Variants in SMARCB1 observed in about 807,000 individuals in gnomAD.
SMARCB1 encodes SWI/SNF-related matrix-associated actin-dependent regulator of chromatin subfamily B member 1.
A neutral mutation model predicts 49.0 loss-of-function variants in SMARCB1; 5 were observed. That is an observed-to-expected ratio of 0.10 (90% confidence interval 0.05 to 0.21). SMARCB1 has a LOEUF of 0.21. Among genes scored for constraint, SMARCB1 ranks in the 10% least tolerant of loss-of-function variants. SMARCB1 has a pLI of 1.00. For missense variants in SMARCB1, 226 were observed against 509.2 expected, an observed-to-expected ratio of 0.44 and a Z score of 5.35; for synonymous variants, 201 against 200.1, an observed-to-expected ratio of 1.00 and a Z score of -0.04.
intron 2 of SMARCB1, chr22:23,793,206 T>TC (rs1928511502): frequency 2.7e-6 from 1 of 371,176 alleles, no homozygotes; most frequent in African/African-American, 2.1e-5. Context: ...AGCTTTCTTT[T>TC]CCCCTGAGTG....
chr22:23,795,759 A>G (rs1177548810), intron 3 of SMARCB1, among the ~76,000 whole-genome samples: 1 of 151,236 alleles, frequency 6.6e-6, no homozygotes, highest in Non-Finnish European at 1.5e-5. Flanking sequence ...GGAAGGTGTG[A>G]TAGAACTGCA....
At chr22:23,807,595 T>TAA (rs3062485) in intron 5 of SMARCB1, among the ~76,000 whole-genome samples, 13,136 of 147,904 alleles carry the variant, frequency 0.089, 734 homozygotes, top group East Asian at 0.17. Flanking sequence ...TTTTTAAAGT[T>TAA]AAAAAAAAAA....
At chr22:23,787,435 C>G (rs956697305) in intron 1 of SMARCB1, among the ~76,000 whole-genome samples, 173 bp downstream of exon 1, 8 of 152,034 alleles carry the variant, frequency 5.3e-5, no homozygotes, top group African/African-American at 1.7e-4. Context: ...CCCCCGCCCC[C>G]TCATCGACCT....
At position 23,837,322 on chromosome 22, in the gene SMARCB1, A is replaced by G; in HGVS notation, c.*3142A>G. 1.1e-6 allele frequency: 1 copy of G among 874,988 alleles called. No individual in the cohort carries two copies. Among genetic ancestry groups the G allele is most frequent in the Non-Finnish European group, 1.8e-6 (1 of 565,292 alleles). The allele number at this position is 874,988 out of a possible 1,614,324, so 54.2% of individuals were successfully genotyped here. A position where few individuals can be genotyped will look rare whatever the true frequency, so the allele number is the denominator to read the frequency against. ...CAGCCCCGGGTTGGCCGTGAAGGAC[A>G]AGCTTAAAAGGCCCAGAAGCAGGCA... On this transcript the variant is annotated 3_prime_UTR_variant, in exon 9 of 9. Coordinates refer to ENST00000644036, the MANE Select transcript of SMARCB1 (RefSeq NM_003073.5).
In SMARCB1 at chr22:23,797,816, A is replaced by G. The variant is rs372209934; in HGVS notation, c.363-3128A>G. On this transcript the variant is annotated intron_variant, in intron 3 of 8. Coordinates refer to ENST00000644036, the MANE Select transcript of SMARCB1 (RefSeq NM_003073.5). ...GTAGTTTTAGTAGAGACGGGGTTTCACCATGTTGGCCAGGCTGGTCTCGAA... is the reference window on the plus strand; with the variant it reads ...GTAGTTTTAGTAGAGACGGGGTTTCGCCATGTTGGCCAGGCTGGTCTCGAA... Among the ~76,000 whole-genome samples, 16 of 148,316 alleles carry G rather than the reference A, an allele frequency of 1.1e-4. No homozygotes were observed. The East Asian group carries it at 3.2e-3, about 30-fold the overall frequency.
chr22:23,800,707 C>T (rs1929084182), intron 3 of SMARCB1, among the ~76,000 whole-genome samples: 1 of 152,204 alleles, frequency 6.6e-6, no homozygotes, highest in African/African-American at 2.4e-5. Flanking sequence ...TAGTGCAGTA[C>T]ACCATGGCCG....
At chr22:23,825,650 C>T (rs1213993335) in intron 7 of SMARCB1, 3 of 566,020 alleles carry the variant, frequency 5.3e-6, no homozygotes, top group Non-Finnish European at 9.5e-6. Flanking sequence ...ACTTGGAGTT[C>T]TGTCAGGGTG....
At chr22:23,819,677 A>G (rs1206989879) in intron 6 of SMARCB1, among the ~76,000 whole-genome samples, 2 of 151,192 alleles carry the variant, frequency 1.3e-5, no homozygotes, top group Non-Finnish European at 2.9e-5. Context: ...ATACCTAGAA[A>G]TGGAATTCCT....
intron 6 of SMARCB1, chr22:23,817,270 A>G: frequency 2.3e-6 from 1 of 438,410 alleles, no homozygotes; most frequent in Non-Finnish European, 4.2e-6. Context: ...ACCCAATAAG[A>G]TGCTGCCTTA....
chr22:23,801,560 T>A (rs748531404), intron 4 of SMARCB1: 71 of 367,572 alleles, frequency 1.9e-4, no homozygotes, highest in Non-Finnish European at 2.8e-4. Flanking sequence ...GACTCATGTG[T>A]GGACAGGGCC....
At chr22:23,830,846 A>C (rs1471303006) in intron 7 of SMARCB1, among the ~76,000 whole-genome samples, 1 of 151,680 alleles carries the variant, frequency 6.6e-6, no homozygotes, top group East Asian at 1.9e-4. Flanking sequence ...TTTTTAGTAG[A>C]GACGGGGTTT....
At chr22:23,820,199 T>C (rs150420725) in intron 6 of SMARCB1, among the ~76,000 whole-genome samples, 91 of 152,290 alleles carry the variant, frequency 6.0e-4, no homozygotes, top group Non-Finnish European at 9.1e-4. Flanking sequence ...TCCTTTCTTG[T>C]AGTATTTTTT....
chr22:23,826,814 G>C (rs1384155909), intron 7 of SMARCB1, among the ~76,000 whole-genome samples: 1 of 152,308 alleles, frequency 6.6e-6, no homozygotes, highest in East Asian at 1.9e-4. Flanking sequence ...GGGGCTCAAG[G>C]GCCCGGGCCT....
rs1349169297 is a variant in SMARCB1 at position 23,835,753 on chromosome 22, G to T, written c.*1573G>T. On this transcript the variant is annotated 3_prime_UTR_variant, in exon 9 of 9. Coordinates refer to ENST00000644036, the MANE Select transcript of SMARCB1 (RefSeq NM_003073.5). ...AGGTAGGAACCTCGGCAATGAAAGG[G>T]TGAGGCAGCCCTGTGTCTCCACAAC... 1.0e-6 allele frequency: 1 copy of T among 985,360 alleles called. No individual in the cohort carries two copies. The highest frequency in any genetic ancestry group is 6.1e-5 in the Admixed American group (1 of 16,274). 61.0% of individuals were successfully genotyped at this position (985,360 alleles called of 1,614,324 possible).
intron 3 of SMARCB1, among the ~76,000 whole-genome samples, chr22:23,794,742 T>C (rs1221453739): frequency 1.3e-5 from 2 of 151,984 alleles, no homozygotes; most frequent in African/African-American, 4.8e-5. Flanking sequence ...CTACTAAAAA[T>C]ACAAAATTAG....
At chr22:23,806,449 T>C (rs1929504547) in intron 5 of SMARCB1, among the ~76,000 whole-genome samples, 1 of 152,230 alleles carries the variant, frequency 6.6e-6, no homozygotes. Context: ...TATTTGGCAT[T>C]TGTAAGAGCT....
rs370611650 is a variant in SMARCB1 at position 23,801,376 on chromosome 22, G to C, written c.500+295G>C. ...CCTTTCTCTGCCCTCAGTTTCACAT[G>C]AGTGGGCCACAGCCAGTCTGATGGT... On this transcript the variant is annotated intron_variant, in intron 4 of 8. Transcript: ENST00000644036. 20 of 677,018 alleles carry C rather than the reference G, an allele frequency of 3.0e-5. No individual in the cohort carries two copies. In the East Asian group the frequency reaches 4.3e-4, roughly 14 times the overall value. 41.9% of individuals were successfully genotyped at this position (677,018 alleles called of 1,614,324 possible).
At position 23,836,906 on chromosome 22, in the gene SMARCB1, TC is replaced by T; in HGVS notation, c.*2728del. 6.6e-7 allele frequency: 1 copy of T among 1,515,444 alleles called. No homozygotes were observed. Among genetic ancestry groups the T allele is most frequent in the Non-Finnish European group, 8.8e-7 (1 of 1,133,020 alleles). The allele number at this position is 1,515,444 out of a possible 1,614,324, so 93.9% of individuals were successfully genotyped here. ...GGGTGGCAGATGGGGTCCTGGCTGT[TC>T]CTCAGGGAGGGGCAGGTAATTGGGG... On this transcript the variant is annotated 3_prime_UTR_variant, in exon 9 of 9. Coordinates refer to ENST00000644036, the MANE Select transcript of SMARCB1 (RefSeq NM_003073.5).
chr22:23,799,036 C>G (rs982577620), intron 3 of SMARCB1, among the ~76,000 whole-genome samples: 1 of 143,488 alleles, frequency 7.0e-6, no homozygotes, highest in African/African-American at 2.6e-5. Context: ...GGCGACAGAG[C>G]GAGACTCCAT....
Sources: gnomAD v4.1 joint callset for allele counts (sites outside exome capture counted in the v4.1 genomes callset) on GRCh38, gnomAD v4.1.1 for gene constraint, MANE v1.5 for transcripts, NCBI Gene and HGNC (gene_info 2026-07-23, HGNC 2026-07-21) for gene names.